Variants in PLCH1 observed in about 807,000 individuals in gnomAD.
PLCH1 encodes the protein 1-phosphatidylinositol 4,5-bisphosphate phosphodiesterase eta-1.
In PLCH1, 60 loss-of-function variants were observed where a neutral mutation model predicts 126.7. The observed-to-expected ratio is 0.47, with a 90% CI of 0.38 to 0.59. PLCH1 has a LOEUF of 0.59. PLCH1 is among the 20% of genes least tolerant of loss of function. The probability of loss-of-function intolerance (pLI) is 0.00; values close to 1 mark genes in which losing one functional copy is unlikely to be tolerated. For synonymous variants in PLCH1, 719 were observed against 734.9 expected (o/e 0.98, Z 0.35); for missense variants, 1,723 against 2,040.0 (o/e 0.84, Z 2.99).
intron 1 of PLCH1, among the ~76,000 whole-genome samples, chr3:155,718,669 T>C (rs1300191857): frequency 2.0e-5 from 3 of 152,040 alleles, no homozygotes; most frequent in Non-Finnish European, 4.4e-5. Flanking sequence ...GGTGCCACAA[T>C]TTACAACAAC....
At chr3:155,660,404 A>G (rs1299158963) in intron 2 of PLCH1, among the ~76,000 whole-genome samples, 1 of 152,190 alleles carries the variant, frequency 6.6e-6, no homozygotes, top group Non-Finnish European at 1.5e-5. Context: ...GCCAACTCCA[A>G]GGCTATTTCC....
At chr3:155,534,951 G>A (rs993554500) in intron 10 of PLCH1, among the ~76,000 whole-genome samples, 2 of 152,182 alleles carry the variant, frequency 1.3e-5, no homozygotes, top group Non-Finnish European at 2.9e-5. Flanking sequence ...GAAACTGTGA[G>A]TCAATTAAAC....
chr3:155,458,458 G>GA (rs1347170860), intron 21 of PLCH1, among the ~76,000 whole-genome samples: 5 of 65,392 alleles, frequency 7.6e-5, no homozygotes, highest in African/African-American at 5.0e-4. Flanking sequence ...AGGAAGGAAA[G>GA]AAAGAAAGAA....
At chr3:155,591,293 T>C (rs761181188) in intron 4 of PLCH1, among the ~76,000 whole-genome samples, 36 of 152,164 alleles carry the variant, frequency 2.4e-4, no homozygotes, top group Non-Finnish European at 4.7e-4. Flanking sequence ...CCAAAAGCCA[T>C]GTACTTTAAT....
At chr3:155,727,367 G>A (rs1748415493) in intron 1 of PLCH1, among the ~76,000 whole-genome samples, 1 of 150,390 alleles carries the variant, frequency 6.6e-6, no homozygotes, top group Admixed American at 6.7e-5. Context: ...CTCAGTACCA[G>A]CAACACTTCC....
Position 155,504,739 on chromosome 3 carries a change from G to T in PLCH1, c.1633-113C>A, listed in dbSNP as rs927016133. 5 of 676,852 alleles carry T rather than the reference G, an allele frequency of 7.4e-6. No individual in the cohort carries two copies. In the Admixed American group the frequency reaches 1.2e-4, roughly 16 times the overall value. 41.9% of individuals were successfully genotyped at this position (676,852 alleles called of 1,614,324 possible). On this transcript the variant is annotated intron_variant, in intron 12 of 22. Transcript: ENST00000460012. Reference sequence around the variant, plus strand: ...TTTTCTCTTCTGTTTGCCTCTAGGTGAGAAACAAGCAGACTCCACTCATTT... The same window carrying T: ...TTTTCTCTTCTGTTTGCCTCTAGGTTAGAAACAAGCAGACTCCACTCATTT...
intron 2 of PLCH1, among the ~76,000 whole-genome samples, chr3:155,692,713 C>T (rs1270454028): frequency 6.6e-6 from 1 of 152,098 alleles, no homozygotes; most frequent in African/African-American, 2.4e-5. Context: ...GAGCCTCATT[C>T]TCCTCATTAG....
At chr3:155,654,884 T>A (rs150342008) in intron 2 of PLCH1, among the ~76,000 whole-genome samples, 1 of 152,322 alleles carries the variant, frequency 6.6e-6, no homozygotes, top group Non-Finnish European at 1.5e-5. Flanking sequence ...CTAAATCCCA[T>A]GGTCTGACCA....
chr3:155,451,568 G>T (rs1289914153), intron 21 of PLCH1, among the ~76,000 whole-genome samples: 3 of 152,314 alleles, frequency 2.0e-5, no homozygotes, highest in East Asian at 3.9e-4. Context: ...GTTAACATTT[G>T]AATTAGTAAA....
At chr3:155,541,011 A>G (rs1724154331) in intron 10 of PLCH1, among the ~76,000 whole-genome samples, 1 of 152,244 alleles carries the variant, frequency 6.6e-6, no homozygotes, top group South Asian at 2.1e-4. Flanking sequence ...CAACGAGTGG[A>G]TAAAGAAAAT....
intron 11 of PLCH1, among the ~76,000 whole-genome samples, chr3:155,518,382 A>G (rs1290348936): frequency 6.6e-6 from 1 of 152,174 alleles, no homozygotes; most frequent in Admixed American, 6.5e-5. Flanking sequence ...TCAGCCACTC[A>G]ACCAAACACA....
At position 155,567,766 on chromosome 3, in the gene PLCH1, A is replaced by G. The variant is rs371647300; in HGVS notation, c.865+465T>C. Among the ~76,000 whole-genome samples the G allele has an allele frequency of 3.3e-5, 5 of 152,224 alleles. No individual in the cohort carries two copies. The East Asian group carries it at 7.7e-4, about 23-fold the overall frequency. On this transcript the variant is annotated intron_variant, in intron 7 of 22. Transcript: ENST00000460012. The stretch of plus-strand genomic sequence containing the variant: ...CCTCACTTCCTCAACTAAAAAATGA[A>G]GTCATTGTATTAATGAGATTTGTGG...
At chr3:155,644,650 A>T (rs931614694) in intron 2 of PLCH1, among the ~76,000 whole-genome samples, 1 of 152,188 alleles carries the variant, frequency 6.6e-6, no homozygotes, top group Non-Finnish European at 1.5e-5. Context: ...ACTAATTCCA[A>T]AAAGCATGCA....
At chr3:155,635,966 C>A (rs1160030240) in intron 2 of PLCH1, among the ~76,000 whole-genome samples, 1 of 152,174 alleles carries the variant, frequency 6.6e-6, no homozygotes, top group Non-Finnish European at 1.5e-5. Context: ...CATTGAAAAT[C>A]CAAGTTTCTT....
At chr3:155,466,576 C>T (rs1452658355) in intron 21 of PLCH1, among the ~76,000 whole-genome samples, 1 of 152,150 alleles carries the variant, frequency 6.6e-6, no homozygotes, top group Non-Finnish European at 1.5e-5. Flanking sequence ...TTTCAATGCT[C>T]AGACACTGAA....
intron 6 of PLCH1, among the ~76,000 whole-genome samples, chr3:155,573,184 TA>T (rs140828961): frequency 0.018 from 2,667 of 152,348 alleles, 80 homozygotes; most frequent in African/African-American, 0.061. Flanking sequence ...TTATTTGCTT[TA>T]GTAGTCTCTG....
At chr3:155,512,565 G>T (rs1719728468) in intron 12 of PLCH1, among the ~76,000 whole-genome samples, 1 of 152,176 alleles carries the variant, frequency 6.6e-6, no homozygotes, top group South Asian at 2.1e-4. Flanking sequence ...TTATCTATGT[G>T]AAATGGGGAA....
intron 10 of PLCH1, among the ~76,000 whole-genome samples, chr3:155,536,584 T>A (rs906675285): frequency 9.9e-5 from 15 of 152,054 alleles, no homozygotes; most frequent in Non-Finnish European, 4.4e-5. Flanking sequence ...ACTTCAGAGC[T>A]TGAAGACAAG....
chr3:155,639,271 A>C (rs4680208), intron 2 of PLCH1, among the ~76,000 whole-genome samples: 72,620 of 151,658 alleles, frequency 0.48, 19,392 homozygotes, highest in East Asian at 0.7. Flanking sequence ...CCAGCCTGGG[A>C]AAAATGGTGA....
Sources: gnomAD v4.1 joint callset for allele counts (sites outside exome capture counted in the v4.1 genomes callset) on GRCh38, gnomAD v4.1.1 for gene constraint, MANE v1.5 for transcripts, NCBI Gene and HGNC (gene_info 2026-07-23, HGNC 2026-07-21) for gene names.